CCDC30: variants seen among roughly 807,000 people sequenced by gnomAD.
CCDC30 encodes coiled-coil domain-containing protein 30.
Under a neutral mutation model 100.2 loss-of-function variants are expected in CCDC30, and 70 were observed. The observed-to-expected ratio is 0.70, with a 90% CI of 0.58 to 0.85. The LOEUF is 0.85. Ranked by LOEUF, CCDC30 falls within the 40% of genes least tolerant of loss-of-function variation. The probability of loss-of-function intolerance (pLI) is 0.00; values close to 1 mark genes in which losing one functional copy is unlikely to be tolerated. For synonymous variants in CCDC30, 233 were observed against 269.5 expected, an observed-to-expected ratio of 0.86 and a Z score of 1.33; for missense variants, 652 against 771.2, an observed-to-expected ratio of 0.85 and a Z score of 1.83.
intron 10 of CCDC30, among the ~76,000 whole-genome samples, chr1:42,601,337 C>G (rs183059505): frequency 1.4e-4 from 22 of 152,148 alleles, no homozygotes; most frequent in African/African-American, 5.1e-4. Context: ...GAGAAAAACC[C>G]CTGAAGGCAG....
chr1:42,524,735 A>C (rs978659245), intron 6 of CCDC30, among the ~76,000 whole-genome samples: 1 of 152,182 alleles, frequency 6.6e-6, no homozygotes, highest in African/African-American at 2.4e-5. Flanking sequence ...CAGGGCTAAG[A>C]GCTTAAACTG....
intron 6 of CCDC30, among the ~76,000 whole-genome samples, chr1:42,530,798 G>C (rs568188704): frequency 4.7e-4 from 72 of 152,276 alleles, no homozygotes; most frequent in African/African-American, 1.7e-3. Context: ...AGGGACTTGA[G>C]CATCCATGGA....
intron 10 of CCDC30, chr1:42,593,815 C>T (rs539160186): frequency 1.3e-4 from 20 of 152,396 alleles, no homozygotes; most frequent in African/African-American, 4.8e-4. Context: ...ACTTTTCCTT[C>T]CCTTATGCTT....
At chr1:42,456,461 G>C in the CCDC30 span, 1 of 1,243,310 alleles carries the variant, frequency 8.0e-7, no homozygotes. Flanking sequence ...AAGAAGGGTA[G>C]TGAACCGCCC....
At chr1:42,459,541 G>A, upstream of CCDC30, 1 of 1,339,450 alleles carries the variant, frequency 7.5e-7, no homozygotes, top group Non-Finnish European at 1.0e-6. Context: ...AGTTTCCCAT[G>A]AGATTGACCT....
At chr1:42,551,262 C>T (rs1049769969) in intron 6 of CCDC30, among the ~76,000 whole-genome samples, 1 of 152,076 alleles carries the variant, frequency 6.6e-6, no homozygotes, top group Non-Finnish European at 1.5e-5. Context: ...TTTCTTGAAT[C>T]TGTATATGTT....
intron 15 of CCDC30, among the ~76,000 whole-genome samples, chr1:42,651,207 CA>C (rs1231303529): frequency 1.3e-5 from 2 of 152,086 alleles, no homozygotes; most frequent in East Asian, 3.9e-4. Flanking sequence ...GCTCAGGGAA[CA>C]AAAACAAACA....
intron 11 of CCDC30, among the ~76,000 whole-genome samples, chr1:42,632,068 G>A (rs990368875): frequency 2.0e-5 from 3 of 152,152 alleles, no homozygotes; most frequent in Non-Finnish European, 4.4e-5. Flanking sequence ...AGCCACCACA[G>A]CTGGGAATGT....
At chr1:42,542,539 C>CTTTTTTTTTTTTTTTTTTTT (rs58751072) in intron 6 of CCDC30, among the ~76,000 whole-genome samples, 2 of 75,562 alleles carry the variant, frequency 2.6e-5, no homozygotes, top group Non-Finnish European at 5.1e-5. Context: ...TTAAATTTTT[C>CTTTTTTTTTTTTTTTTTTTT]TTTTTTTTTT....
chr1:42,642,625 C>A lies in CCDC30; in HGVS notation c.1556+16C>A. 6.5e-7 allele frequency: 1 copy of A among 1,535,392 alleles called. No homozygotes were observed. Among genetic ancestry groups the A allele is most frequent in the South Asian group, 1.3e-5 (1 of 75,364 alleles). On this transcript the variant is annotated intron_variant, in intron 13 of 16. Coordinates refer to ENST00000668663, the Ensembl canonical transcript of CCDC30. ...TCCAGAGCAGGTAGGTGCCATCCTG[C>A]CTGGGAGCCAATAAACTCCACAAGA...
intron 11 of CCDC30, among the ~76,000 whole-genome samples, chr1:42,616,303 C>T (rs754100605): frequency 1.8e-4 from 27 of 152,104 alleles, no homozygotes; most frequent in African/African-American, 4.6e-4. Context: ...ATTCTGACCC[C>T]GCTGCACATG....
At chr1:42,511,049 G>A (rs972641821) in intron 6 of CCDC30, among the ~76,000 whole-genome samples, 11 of 152,052 alleles carry the variant, frequency 7.2e-5, no homozygotes, top group South Asian at 4.1e-4. Flanking sequence ...AAAGAGAAGC[G>A]AGAAAAAGGC....
chr1:42,460,751 C>T (rs142167873), upstream of CCDC30, among the ~76,000 whole-genome samples: 340 of 152,302 alleles, frequency 2.2e-3, 2 homozygotes, highest in African/African-American at 7.9e-3. Flanking sequence ...GACTTAATCT[C>T]AGTGTCCACA....
downstream of CCDC30, chr1:42,654,174 G>T (rs1648580176): frequency 1.6e-6 from 1 of 635,622 alleles, no homozygotes; most frequent in Admixed American, 3.0e-5. Flanking sequence ...ATTCATTAAA[G>T]CAGTTGTAAA....
intron 6 of CCDC30, chr1:42,500,055 G>T (rs1295898412): frequency 3.9e-6 from 3 of 776,230 alleles, no homozygotes; most frequent in African/African-American, 1.7e-5. Flanking sequence ...AGCCTTCGTT[G>T]TCAGTAGTTC....
In CCDC30 at chr1:42,497,626, A is replaced by C. The variant is rs140040224; in HGVS notation, c.357+413A>C. Among the ~76,000 whole-genome samples, 794 of 152,292 alleles carry C rather than the reference A, an allele frequency of 5.2e-3. 8 individuals are homozygous for C. The highest frequency in any genetic ancestry group is 0.018 in the African/African-American group (767 of 41,574). On this transcript the variant is annotated intron_variant, in intron 5 of 16. Coordinates refer to ENST00000668663, the Ensembl canonical transcript of CCDC30. ...TGATTTTTAAAAATATGTACTTCCA[A>C]ATTTTAAATACATCTCTTCAATTTT...
At chr1:42,570,880 C>T (rs1053585468) in intron 7 of CCDC30, 5 of 151,998 alleles carry the variant, frequency 3.3e-5, no homozygotes, top group Non-Finnish European at 5.9e-5. Context: ...GGACATTTTA[C>T]GTGTTTCCAG....
At chr1:42,640,901 AT>A (rs1647333913) in intron 12 of CCDC30, among the ~76,000 whole-genome samples, 2 of 151,958 alleles carry the variant, frequency 1.3e-5, no homozygotes, top group Admixed American at 1.3e-4. Flanking sequence ...TAAAAAAAAA[AT>A]TAATAATAAT....
At chr1:42,462,659 AGAT>A (rs555041196), upstream of CCDC30, among the ~76,000 whole-genome samples, 6 of 152,244 alleles carry the variant, frequency 3.9e-5, no homozygotes, top group Non-Finnish European at 8.8e-5. Flanking sequence ...GCATCTAAAA[AGAT>A]GATATAAATT....
Sources: gnomAD v4.1 joint callset for allele counts (sites outside exome capture counted in the v4.1 genomes callset) on GRCh38, gnomAD v4.1.1 for gene constraint, MANE v1.5 for transcripts, NCBI Gene and HGNC (gene_info 2026-07-23, HGNC 2026-07-21) for gene names.